The following CHDH variants were observed in gnomAD, a reference collection of about 807,000 sequenced individuals.
CHDH encodes the protein choline dehydrogenase, mitochondrial.
In CHDH, 43 loss-of-function variants were observed where a neutral mutation model predicts 56.9. The ratio of observed to expected loss-of-function variants is 0.76; its 90% CI spans 0.59 to 0.97. CHDH has a LOEUF of 0.97. Among genes scored for constraint, CHDH ranks in the 50% least tolerant of loss-of-function variants. The pLI is 0.00. For synonymous variants in CHDH, 364 were observed against 348.5 expected (o/e 1.04, Z -0.50); for missense variants, 816 against 821.1 (o/e 0.99, Z 0.08).
chr3:53,840,463 G>A (rs55974100), intron 2 of CHDH, among the ~76,000 whole-genome samples: 20 of 151,962 alleles, frequency 1.3e-4, no homozygotes, highest in Admixed American at 1.1e-3. Flanking sequence ...AGGAGTTCAA[G>A]GTTACGTGAG....
chr3:53,823,339 C>A lies in CHDH; in HGVS notation c.670G>T (p.Gly224Cys). 6.3e-7 allele frequency: 1 copy of A among 1,591,732 alleles called. No homozygotes were observed. Among genetic ancestry groups the A allele is most frequent in the East Asian group, 2.3e-5 (1 of 44,200 alleles). Residue 224 changes from glycine to cysteine, a missense_variant, in exon 3 of 9, where the codon GGC (glycine) becomes TGC (cysteine). Coordinates refer to ENST00000315251, the MANE Select transcript of CHDH (RefSeq NM_018397.5). ...TEDMNGFQQE[G>C]FGWMDMTIHE... ...ATGGTCATGTCCATCCAGCCGAAGC[C>A]CTCCTGCTGGAAGCCATTCATGTCC...
In CHDH at chr3:53,813,790, T is replaced by C. The variant is rs1201631717; in HGVS notation, c.*3987A>G. On this transcript the variant is annotated 3_prime_UTR_variant, in exon 9 of 9. Coordinates refer to ENST00000315251, the MANE Select transcript of CHDH (RefSeq NM_018397.5). The stretch of plus-strand genomic sequence containing the variant: ...CCCTTGTCTTAGGAAAGTTTTAAGA[T>C]GAAATGTTTTTCCTTTTTGGTCCCC... 6.6e-6 allele frequency: 1 copy of C among 152,242 alleles called. No homozygotes were observed. Among genetic ancestry groups the C allele is most frequent in the Non-Finnish European group, 1.5e-5 (1 of 68,044 alleles). 9.4% of individuals were successfully genotyped at this position (152,242 alleles called of 1,614,324 possible).
At chr3:53,840,526 C>A (rs1339639907) in intron 2 of CHDH, among the ~76,000 whole-genome samples, 4 of 148,292 alleles carry the variant, frequency 2.7e-5, no homozygotes, top group South Asian at 2.1e-4. Flanking sequence ...GACCTTGTCT[C>A]AAAAAAAAAA....
Position 53,823,286 on chromosome 3 carries a change from A to T in CHDH, c.703+20T>A. 2 of 1,490,840 alleles carry T rather than the reference A, an allele frequency of 1.3e-6. No individual in the cohort carries two copies. The highest frequency in any genetic ancestry group is 1.8e-6 in the Non-Finnish European group (2 of 1,118,950). 92.4% of individuals were successfully genotyped at this position (1,490,840 alleles called of 1,614,324 possible). A position where few individuals can be genotyped will look rare whatever the true frequency, so the allele number is the denominator to read the frequency against. ...GGGTAGGGGGTAGTGCTTTTTTAAA[A>T]AGAGAAGGGAGACCACTACCTTCAT... On this transcript the variant is annotated intron_variant, in intron 3 of 8. Coordinates refer to ENST00000315251, the MANE Select transcript of CHDH (RefSeq NM_018397.5).
At chr3:53,827,778 G>A (rs2095641583) in intron 2 of CHDH, among the ~76,000 whole-genome samples, 1 of 152,166 alleles carries the variant, frequency 6.6e-6, no homozygotes, top group African/African-American at 2.4e-5. Context: ...TTCGCAAATT[G>A]GAAGGCTCAA....
At position 53,840,969 on chromosome 3, in the gene CHDH, C is replaced by T. The variant is rs548131290; in HGVS notation, c.-100G>A. On this transcript the variant is annotated 5_prime_UTR_variant, in exon 2 of 9. Coordinates refer to ENST00000315251, the MANE Select transcript of CHDH (RefSeq NM_018397.5). ...GACAGGATACGGTGCACTCTGTGAC[C>T]GGGGCTGGCCTACACACTCTTTGTG... 1 of 152,210 alleles carries T rather than the reference C, an allele frequency of 6.6e-6. No individual in the cohort carries two copies. The highest frequency in any genetic ancestry group is 1.9e-4 in the East Asian group (1 of 5,170). 9.4% of individuals were successfully genotyped at this position (152,210 alleles called of 1,614,324 possible). A position where few individuals can be genotyped will look rare whatever the true frequency, so the allele number is the denominator to read the frequency against.
At chr3:53,821,537 A>G (rs1279002270) in intron 5 of CHDH, 110 bp downstream of exon 5, 3 of 970,192 alleles carry the variant, frequency 3.1e-6, no homozygotes, top group Non-Finnish European at 4.8e-6. Flanking sequence ...TGATAGTTCC[A>G]AGGATCACTG....
At chr3:53,845,499 G>A (rs1698836519) in intron 1 of CHDH, among the ~76,000 whole-genome samples, 2 of 152,304 alleles carry the variant, frequency 1.3e-5, no homozygotes, top group Admixed American at 1.3e-4. Flanking sequence ...AAACCGAGGG[G>A]GCTGAAGCAG....
chr3:53,834,620 CAGA>C (rs1451076689), intron 2 of CHDH, among the ~76,000 whole-genome samples: 4 of 152,192 alleles, frequency 2.6e-5, no homozygotes, highest in African/African-American at 4.8e-5. Context: ...GGATCATGCC[CAGA>C]AGAAGATGCT....
chr3:53,819,730 C>G lies in CHDH; in HGVS notation c.1121-56G>C. 2 of 1,486,226 alleles carry G rather than the reference C, an allele frequency of 1.3e-6. No individual in the cohort carries two copies. The highest frequency in any genetic ancestry group is 1.8e-6 in the Non-Finnish European group (2 of 1,115,374). 92.1% of individuals were successfully genotyped at this position (1,486,226 alleles called of 1,614,324 possible). On this transcript the variant is annotated intron_variant, in intron 6 of 8. Transcript: ENST00000315251. This position sits in a 1 kb window ranked among gnomAD's most constrained non-coding sequence, Gnocchi z 5.4. ...GCCAGTCAGGCCGTGGCAGGTGGGC[C>G]GGCTGCTCCTGGTTTCCCTCCTTTC...
intron 2 of CHDH, among the ~76,000 whole-genome samples, chr3:53,838,814 C>T (rs1698585027): frequency 6.6e-6 from 1 of 152,166 alleles, no homozygotes; most frequent in South Asian, 2.1e-4. Flanking sequence ...AATGCACTAT[C>T]CGGGGAGGAA....
chr3:53,838,936 G>A (rs902751980), intron 2 of CHDH, among the ~76,000 whole-genome samples: 1 of 152,126 alleles, frequency 6.6e-6, no homozygotes, highest in African/African-American at 2.4e-5. Context: ...ACCTGGATCA[G>A]GCCCCATCAT....
Position 53,823,661 on chromosome 3 carries a change from G to A in CHDH, c.348C>T (p.Asp116=), listed in dbSNP as rs1174385750. The A allele has an allele frequency of 4.5e-6, 7 of 1,545,992 alleles. No individual in the cohort carries two copies. The highest frequency in any genetic ancestry group is 2.0e-5 in the Admixed American group (1 of 51,004). Residue 116 remains aspartate, a synonymous_variant, in exon 3 of 9, where the codon GAC becomes GAT. Transcript: ENST00000315251. ...CGCGTGGCCAGTACAGCACGCGGCC[G>A]TCCAGGCCCCGCTGCACCTCTGTGT... ...CYHTEVQRGL[D]GRVLYWPRGR... is the part of the protein sequence containing the mutation.
At position 53,823,629 on chromosome 3, in the gene CHDH, A is replaced by T. The variant is rs1357913462; in HGVS notation, c.380T>A (p.Val127Asp). ...ATTGAGGGATGAGGAGCCACCCCAG[A>T]CGCGGCCGCGTGGCCAGTACAGCAC... ...GRVLYWPRGRVWGGSSSLNAM... is the reference protein window; with the variant it reads ...GRVLYWPRGRDWGGSSSLNAM... Residue 127 changes from valine (V) to aspartate (D), a missense_variant, in exon 3 of 9, where the codon GTC (valine) becomes GAC (aspartate). Physicochemically the swap from Val to Asp is radical, Grantham distance 152 (BLOSUM62 -3). Transcript: ENST00000315251. The T allele has an allele frequency of 6.5e-7, 1 of 1,543,724 alleles. No individual in the cohort carries two copies. The highest frequency in any genetic ancestry group is 8.7e-7 in the Non-Finnish European group (1 of 1,146,172).
intron 2 of CHDH, among the ~76,000 whole-genome samples, chr3:53,831,553 T>G (rs756117227): frequency 5.3e-5 from 8 of 152,248 alleles, no homozygotes; most frequent in Non-Finnish European, 1.0e-4. Context: ...GAAAGTTATA[T>G]TTCATCAAAA....
intron 2 of CHDH, among the ~76,000 whole-genome samples, chr3:53,838,168 C>T (rs986918510): frequency 6.6e-6 from 1 of 152,038 alleles, no homozygotes; most frequent in Non-Finnish European, 1.5e-5. Context: ...CGGATGGCTC[C>T]TCAGGGTAAC....
At chr3:53,818,861 A>G in intron 8 of CHDH, 77 bp downstream of exon 8, 1 of 904,406 alleles carries the variant, frequency 1.1e-6, no homozygotes, top group Non-Finnish European at 1.9e-6. Context: ...GTCCAAGGGT[A>G]TGATTCAGGG....
At chr3:53,836,780 T>C (rs1175111521) in intron 2 of CHDH, among the ~76,000 whole-genome samples, 4 of 152,246 alleles carry the variant, frequency 2.6e-5, no homozygotes, top group African/African-American at 9.6e-5. Context: ...CTCATACACC[T>C]GTGCCAGGAC....
chr3:53,833,700 C>T (rs1361426479), intron 2 of CHDH, among the ~76,000 whole-genome samples: 1 of 152,178 alleles, frequency 6.6e-6, no homozygotes, highest in Admixed American at 6.5e-5. Flanking sequence ...TGGGTGCCTG[C>T]ACTCCCAGCC....
Sources: gnomAD v4.1 joint callset for allele counts (sites outside exome capture counted in the v4.1 genomes callset) on GRCh38, gnomAD v4.1.1 for gene constraint, Gnocchi (gnomAD v3.1) non-coding constraint, MANE v1.5 for transcripts, NCBI Gene and HGNC (gene_info 2026-07-23, HGNC 2026-07-21) for gene names.